Variants in ZBTB7C observed in about 807,000 individuals in gnomAD.
ZBTB7C encodes zinc finger and BTB domain-containing protein 7C.
Under a neutral mutation model 25.7 loss-of-function variants are expected in ZBTB7C, and 8 were observed. The observed-to-expected ratio is 0.31, with a 90% CI of 0.18 to 0.56. The LOEUF is 0.56. ZBTB7C is among the 20% of genes least tolerant of loss of function. The pLI is 0.91. For missense variants in ZBTB7C, 824 were observed against 855.2 expected (o/e 0.96, Z 0.46); for synonymous variants, 394 against 369.0 (o/e 1.07, Z -0.78).
intron 1 of ZBTB7C, among the ~76,000 whole-genome samples, chr18:48,349,496 A>AT (rs111928886): frequency 0.37 from 56,815 of 152,082 alleles, 11,363 homozygotes; most frequent in African/African-American, 0.52. Flanking sequence ...AGATCCCTAC[A>AT]TAAGGGGGCG....
intron 3 of ZBTB7C, among the ~76,000 whole-genome samples, chr18:48,061,636 A>G (rs148679309): frequency 1.5e-4 from 23 of 152,374 alleles, no homozygotes; most frequent in African/African-American, 4.3e-4. Context: ...TAAAATCATT[A>G]CGGAATCACC....
chr18:48,368,936 T>A (rs982692224), intron 1 of ZBTB7C, among the ~76,000 whole-genome samples: 2 of 152,168 alleles, frequency 1.3e-5, no homozygotes, highest in African/African-American at 4.8e-5. Context: ...GAAAAACGGC[T>A]AAGGTAAGGT....
chr18:48,084,786 G>A (rs1322363084), intron 3 of ZBTB7C, among the ~76,000 whole-genome samples: 1 of 152,208 alleles, frequency 6.6e-6, no homozygotes, highest in Non-Finnish European at 1.5e-5. Flanking sequence ...TGAGTTTGAA[G>A]CACTTGGCAA....
intron 4 of ZBTB7C, among the ~76,000 whole-genome samples, chr18:48,033,233 C>A (rs2035837625): frequency 1.3e-5 from 2 of 152,268 alleles, no homozygotes; most frequent in South Asian, 4.1e-4. Context: ...TGGACACAGG[C>A]AGAAAGGAGG....
intron 3 of ZBTB7C, among the ~76,000 whole-genome samples, chr18:48,099,669 G>A (rs1485091860): frequency 2.0e-5 from 3 of 152,172 alleles, no homozygotes; most frequent in Admixed American, 6.5e-5. Flanking sequence ...CCCACCAATC[G>A]CTCCTGCTGG....
intron 2 of ZBTB7C, among the ~76,000 whole-genome samples, chr18:48,265,670 G>C (rs1233893586): frequency 6.6e-6 from 1 of 152,184 alleles, no homozygotes; most frequent in Non-Finnish European, 1.5e-5. Context: ...CTGTCAAAGA[G>C]AGGCATCTCT....
Position 48,040,892 on chromosome 18 carries a change from G to T in ZBTB7C, c.216C>A (p.Pro72=). ...GGACAAAGTCGATCTCATAGACGTA[G>T]GGCTGGCTGGCTAGGGTGCCGGCTG... ...LFTAGTLASQ[P]YVYEIDFVQP... is the part of the protein sequence containing the mutation. Residue 72 remains proline (P), a synonymous_variant, in exon 4 of 5, where the codon CCC becomes CCA. Coordinates refer to ENST00000590800, the MANE Select transcript of ZBTB7C (RefSeq NM_001318841.2). The T allele has an allele frequency of 6.2e-7, 1 of 1,614,206 alleles. No homozygotes were observed. Among genetic ancestry groups the T allele is most frequent in the Non-Finnish European group, 8.5e-7 (1 of 1,180,038 alleles).
intron 1 of ZBTB7C, among the ~76,000 whole-genome samples, chr18:48,357,435 G>A (rs1490294024): frequency 6.6e-6 from 1 of 152,208 alleles, no homozygotes; most frequent in Non-Finnish European, 1.5e-5. Flanking sequence ...CTGACACATA[G>A]GAAAGGTGAC....
chr18:48,146,446 T>C (rs1478362434), intron 3 of ZBTB7C, among the ~76,000 whole-genome samples: 2 of 152,208 alleles, frequency 1.3e-5, no homozygotes, highest in Admixed American at 6.5e-5. Flanking sequence ...AGAGGCTATA[T>C]ATGTTTGGGT....
chr18:48,333,399 C>T (rs1408596236), intron 2 of ZBTB7C, among the ~76,000 whole-genome samples: 1 of 151,858 alleles, frequency 6.6e-6, no homozygotes, highest in Non-Finnish European at 1.5e-5. Context: ...AGATCCACAG[C>T]ACCTTTTACT....
At chr18:48,129,441 G>T (rs2039917263) in intron 3 of ZBTB7C, among the ~76,000 whole-genome samples, 1 of 151,248 alleles carries the variant, frequency 6.6e-6, no homozygotes, top group African/African-American at 2.4e-5. Context: ...AGCCCTCCCT[G>T]ATCAGTCGGA....
intron 4 of ZBTB7C, among the ~76,000 whole-genome samples, 171 bp from the exon 5 acceptor site, chr18:48,030,082 G>C (rs1393113620): frequency 6.6e-6 from 1 of 152,096 alleles, no homozygotes; most frequent in Non-Finnish European, 1.5e-5. Flanking sequence ...ACCTTAGACA[G>C]GTATGGTTAC....
At chr18:48,358,182 T>C (rs1330264336) in intron 1 of ZBTB7C, among the ~76,000 whole-genome samples, 1 of 152,058 alleles carries the variant, frequency 6.6e-6, no homozygotes, top group African/African-American at 2.4e-5. Context: ...TGAAACCCCG[T>C]CTCCACTAAA....
At chr18:48,227,458 T>C (rs1309254599) in intron 2 of ZBTB7C, among the ~76,000 whole-genome samples, 3 of 152,218 alleles carry the variant, frequency 2.0e-5, no homozygotes, top group Non-Finnish European at 2.9e-5. Flanking sequence ...GGATGTGTCA[T>C]TGTCTTACTT....
Position 48,034,966 on chromosome 18 carries a change from T to C in ZBTB7C, c.1208+4934A>G, listed in dbSNP as rs555950544. ...AGGATAATGCTTTCCCAGCAGCCTC[T>C]ACCTGGACTTCTTGTAACCCGATGG... is the stretch of plus-strand genomic sequence containing the variant. On this transcript the variant is annotated intron_variant, in intron 4 of 4. Transcript: ENST00000590800. Among the ~76,000 whole-genome samples, 3 of 152,310 alleles carry C rather than the reference T, an allele frequency of 2.0e-5. No individual in the cohort carries two copies. In the East Asian group the frequency reaches 5.8e-4, roughly 29 times the overall value.
At chr18:48,395,253 G>C (rs371652284) in intron 1 of ZBTB7C, among the ~76,000 whole-genome samples, 3 of 149,586 alleles carry the variant, frequency 2.0e-5, no homozygotes, top group African/African-American at 7.4e-5. Context: ...TTTAAGGAGA[G>C]AGAGAGAGAG....
At chr18:48,052,177 A>G (rs2036713512) in intron 3 of ZBTB7C, among the ~76,000 whole-genome samples, 1 of 152,152 alleles carries the variant, frequency 6.6e-6, no homozygotes, top group Non-Finnish European at 1.5e-5. Context: ...CCTTCACAGG[A>G]GATGTCCCCT....
At chr18:48,297,810 T>C (rs915189669) in intron 2 of ZBTB7C, among the ~76,000 whole-genome samples, 13 of 152,218 alleles carry the variant, frequency 8.5e-5, no homozygotes, top group African/African-American at 2.4e-4. Flanking sequence ...ATTAAGAGGA[T>C]AAAATGTTAC....
chr18:48,215,658 A>C (rs1167458576), intron 2 of ZBTB7C, among the ~76,000 whole-genome samples: 1 of 152,242 alleles, frequency 6.6e-6, no homozygotes, highest in Non-Finnish European at 1.5e-5. Flanking sequence ...GAAGCCTCAT[A>C]AATGGCCACC....
Sources: gnomAD v4.1 joint callset for allele counts (sites outside exome capture counted in the v4.1 genomes callset) on GRCh38, gnomAD v4.1.1 for gene constraint, MANE v1.5 for transcripts, NCBI Gene and HGNC (gene_info 2026-07-23, HGNC 2026-07-21) for gene names.